GNA14: variants seen among roughly 807,000 people sequenced by gnomAD.
GNA14 encodes the protein guanine nucleotide-binding protein subunit alpha-14.
Under a neutral mutation model 42.0 loss-of-function variants are expected in GNA14, and 50 were observed. That is an observed-to-expected ratio of 1.19 (90% CI 0.95 to 1.51). The LOEUF (loss-of-function observed/expected upper bound fraction) is 1.51. Ranked by LOEUF, GNA14 falls within the 40% of genes most tolerant of loss-of-function variation. GNA14 has a pLI of 0.00. For missense variants in GNA14, 473 were observed against 446.2 expected, an observed-to-expected ratio of 1.06 and a Z score of -0.54; for synonymous variants, 173 against 163.1, an observed-to-expected ratio of 1.06 and a Z score of -0.46.
At chr9:77,563,783 A>G (rs570137974) in intron 1 of GNA14, among the ~76,000 whole-genome samples, 62 of 152,342 alleles carry the variant, frequency 4.1e-4, no homozygotes, top group African/African-American at 1.4e-3. Flanking sequence ...ATCTAAGAGA[A>G]TAACTTTTTA....
intron 2 of GNA14, among the ~76,000 whole-genome samples, chr9:77,479,504 G>C (rs1258953147): frequency 3.3e-5 from 5 of 152,044 alleles, no homozygotes; most frequent in Admixed American, 2.0e-4. Context: ...TTGGTGATGC[G>C]GGCTCTTTTT....
chr9:77,511,509 G>A lies in GNA14; in HGVS notation c.309+17560C>T, dbSNP rs140376184. On this transcript the variant is annotated intron_variant, in intron 2 of 6. Coordinates refer to ENST00000341700, the MANE Select transcript of GNA14 (RefSeq NM_004297.4). Reference sequence around the variant, plus strand: ...TGCAAAGATAGGAGAGACAATGTACGCATCCCCCTTTTTCCTCTTGTGTTT... The same window carrying A: ...TGCAAAGATAGGAGAGACAATGTACACATCCCCCTTTTTCCTCTTGTGTTT... Among the ~76,000 whole-genome samples, 1,013 of 152,286 alleles carry A rather than the reference G, an allele frequency of 6.7e-3. 14 individuals carry two copies. Among genetic ancestry groups the A allele is most frequent in the African/African-American group, 0.023 (954 of 41,552 alleles).
chr9:77,587,023 T>TAA (rs1371630267), intron 1 of GNA14, among the ~76,000 whole-genome samples: 2 of 151,980 alleles, frequency 1.3e-5, no homozygotes, highest in Admixed American at 6.5e-5. Context: ...GGGGCTGCTT[T>TAA]TTATTAAAGG....
chr9:77,570,290 T>C (rs1271008339), intron 1 of GNA14, among the ~76,000 whole-genome samples: 2 of 152,184 alleles, frequency 1.3e-5, no homozygotes, highest in Non-Finnish European at 2.9e-5. Context: ...TTTTAATATA[T>C]TTACTGAGTT....
intron 2 of GNA14, among the ~76,000 whole-genome samples, chr9:77,488,987 A>C (rs1034114120): frequency 1.3e-5 from 2 of 152,134 alleles, no homozygotes; most frequent in Non-Finnish European, 2.9e-5. Context: ...CTGACCAAGA[A>C]TTCAAAATGG....
At chr9:77,641,249 A>G (rs1292503004) in intron 1 of GNA14, among the ~76,000 whole-genome samples, 1 of 151,880 alleles carries the variant, frequency 6.6e-6, no homozygotes, top group Non-Finnish European at 1.5e-5. Context: ...GAGTTGGAAA[A>G]TCATTCTGCA....
intron 2 of GNA14, among the ~76,000 whole-genome samples, chr9:77,452,619 A>ACGTGTGG (rs1342131164): frequency 2.2e-3 from 1 of 450 alleles, no homozygotes; most frequent in Non-Finnish European, 3.4e-3. Flanking sequence ...ATGTGTGTGT[A>ACGTGTGG]TGTATATGTG....
At chr9:77,567,052 T>C (rs934131356) in intron 1 of GNA14, among the ~76,000 whole-genome samples, 1 of 152,120 alleles carries the variant, frequency 6.6e-6, no homozygotes, top group Non-Finnish European at 1.5e-5. Context: ...GGGCCCAGTA[T>C]CTGTTCTCAA....
intron 1 of GNA14, among the ~76,000 whole-genome samples, chr9:77,603,956 C>CAAAAAAAAAAAAAAAAAAAAAAAA (rs67044542): frequency 1.2e-5 from 1 of 81,608 alleles, no homozygotes; most frequent in Admixed American, 1.8e-4. Flanking sequence ...AAAAAAAAAA[C>CAAAAAAAAAAAAAAAAAAAAAAAA]AAAAAAAAAA....
chr9:77,428,324 C>T (rs1052451101), intron 5 of GNA14, among the ~76,000 whole-genome samples: 1 of 152,068 alleles, frequency 6.6e-6, no homozygotes, highest in Admixed American at 6.6e-5. Context: ...CGTGATCCAC[C>T]TGCCTCGGCC....
chr9:77,439,720 G>T (rs1471634069), intron 2 of GNA14, among the ~76,000 whole-genome samples: 1 of 152,220 alleles, frequency 6.6e-6, no homozygotes, highest in African/African-American at 2.4e-5. Flanking sequence ...TCATCCACAG[G>T]TGTCTGGGTA....
chr9:77,614,147 T>C (rs1192802469), intron 1 of GNA14, among the ~76,000 whole-genome samples: 1 of 152,226 alleles, frequency 6.6e-6, no homozygotes, highest in Non-Finnish European at 1.5e-5. Flanking sequence ...CTTTCCTCCA[T>C]GCAGCGATTC....
intron 2 of GNA14, among the ~76,000 whole-genome samples, chr9:77,520,163 G>A (rs1837332038): frequency 6.6e-6 from 1 of 152,016 alleles, no homozygotes. Flanking sequence ...GGATACTATT[G>A]CAGAGCTTAT....
At chr9:77,598,372 C>G (rs1363124428) in intron 1 of GNA14, among the ~76,000 whole-genome samples, 1 of 152,212 alleles carries the variant, frequency 6.6e-6, no homozygotes, top group Non-Finnish European at 1.5e-5. Context: ...CAAATCCACT[C>G]CCATGAAGAC....
At chr9:77,496,728 T>C (rs1836876725) in intron 2 of GNA14, among the ~76,000 whole-genome samples, 1 of 152,176 alleles carries the variant, frequency 6.6e-6, no homozygotes, top group East Asian at 1.9e-4. Context: ...CGACCTTAGA[T>C]TAACAATGTA....
At chr9:77,489,320 C>G (rs953354158) in intron 2 of GNA14, among the ~76,000 whole-genome samples, 2 of 152,010 alleles carry the variant, frequency 1.3e-5, no homozygotes, top group African/African-American at 4.8e-5. Context: ...TATTGGTGTT[C>G]AAGAGGAAGT....
rs746273540 is a variant in GNA14 at position 77,425,548 on chromosome 9, A to G, written c.877+14T>C. 3 of 1,587,094 alleles carry G rather than the reference A, an allele frequency of 1.9e-6. No homozygotes were observed. The highest frequency in any genetic ancestry group is 1.3e-5 in the African/African-American group (1 of 74,144). ...ATCAGCACAGAAAACACTGTCCACA[A>G]GATAGACACTTACCTGTGTATTCTG... On this transcript the variant is annotated intron_variant, in intron 6 of 6. Transcript: ENST00000341700.
At chr9:77,431,111 A>G (rs1835545265) in intron 4 of GNA14, among the ~76,000 whole-genome samples, 2 of 149,410 alleles carry the variant, frequency 1.3e-5, no homozygotes. Flanking sequence ...CAGTAAGGAA[A>G]CCCTTTTTCT....
intron 1 of GNA14, among the ~76,000 whole-genome samples, chr9:77,593,204 GT>G (rs1188302295): frequency 6.6e-6 from 1 of 152,162 alleles, no homozygotes; most frequent in Non-Finnish European, 1.5e-5. Context: ...TGTTCTGTGT[GT>G]TGTCAGAGAT....
Sources: allele counts gnomAD v4.1 joint callset (sites outside exome capture counted in the v4.1 genomes callset), GRCh38; gene constraint gnomAD v4.1.1; transcripts MANE v1.5; gene names NCBI Gene and HGNC (gene_info 2026-07-23, HGNC 2026-07-21).